GFOD1: variants seen among roughly 807,000 people sequenced by gnomAD.
GFOD1 encodes glucose-fructose oxidoreductase domain-containing protein 1.
Under a neutral mutation model 25.4 loss-of-function variants are expected in GFOD1, and 9 were observed. That is an observed-to-expected ratio of 0.35 (90% confidence interval 0.21 to 0.62). GFOD1 has a LOEUF of 0.62. GFOD1 is among the 20% of genes least tolerant of loss of function. GFOD1 has a pLI of 0.72. For synonymous variants in GFOD1, 253 were observed against 245.6 expected, an observed-to-expected ratio of 1.03 and a Z score of -0.28; for missense variants, 403 against 556.9, an observed-to-expected ratio of 0.72 and a Z score of 2.78.
rs5874418 is a variant in GFOD1, at chr6:13,458,757, CAAAAAAAAA to C, written c.253+27872_253+27880del. Among the ~76,000 whole-genome samples the C allele has an allele frequency of 4.7e-4, 27 of 57,182 alleles. No individual in the cohort carries two copies. In the East Asian group the frequency reaches 6.8e-3, roughly 14 times the overall value. The allele number at this position is 57,182 out of a possible 152,430, so 37.5% of individuals were successfully genotyped here. ...CAAAAAGACTCCATTTCCCCTTGAG[CAAAAAAAAA>C]AAAAAAAAAAAAAAAAAAAAGTGAG... On this transcript the variant is annotated intron_variant, in intron 1 of 1. Coordinates refer to ENST00000379287, the MANE Select transcript of GFOD1 (RefSeq NM_018988.4).
intron 1 of GFOD1, among the ~76,000 whole-genome samples, chr6:13,397,278 A>T (rs557218952): frequency 6.6e-6 from 1 of 152,356 alleles, no homozygotes; most frequent in Non-Finnish European, 1.5e-5. Context: ...CCTTACTCTA[A>T]AGCCCGGCAA....
intron 1 of GFOD1, among the ~76,000 whole-genome samples, chr6:13,403,377 C>T (rs188786572): frequency 2.1e-3 from 327 of 152,240 alleles, no homozygotes; most frequent in African/African-American, 7.5e-3. Context: ...CCGCCTGCCT[C>T]GGCCTCCCAA....
At chr6:13,417,601 C>T (rs1786183822) in intron 1 of GFOD1, among the ~76,000 whole-genome samples, 1 of 152,204 alleles carries the variant, frequency 6.6e-6, no homozygotes, top group Admixed American at 6.5e-5. Flanking sequence ...TACAACAGTG[C>T]TGCTAGTACA....
chr6:13,447,333 C>G (rs62385772), intron 1 of GFOD1, among the ~76,000 whole-genome samples: 2 of 152,200 alleles, frequency 1.3e-5, no homozygotes, highest in African/African-American at 4.8e-5. Flanking sequence ...GGTGCTCTCT[C>G]TGTGTGTCTA....
chr6:13,470,021 C>A (rs377544088), intron 1 of GFOD1: 3 of 1,358,470 alleles, frequency 2.2e-6, no homozygotes, highest in South Asian at 1.2e-5. Flanking sequence ...TTTTCTAACT[C>A]CCCATGACTG....
intron 1 of GFOD1, among the ~76,000 whole-genome samples, chr6:13,369,795 G>A (rs1785114067): frequency 1.3e-5 from 2 of 152,148 alleles, no homozygotes; most frequent in Non-Finnish European, 2.9e-5. Context: ...TCAATGGCAA[G>A]TAAGATGATT....
intron 1 of GFOD1, among the ~76,000 whole-genome samples, chr6:13,388,215 T>G (rs965553909): frequency 2.6e-5 from 4 of 152,182 alleles, no homozygotes; most frequent in South Asian, 4.1e-4. Flanking sequence ...TTCAATGCTA[T>G]CTCCATCAAG....
At chr6:13,469,638 C>T (rs1481589849) in intron 1 of GFOD1, 8 of 1,114,472 alleles carry the variant, frequency 7.2e-6, no homozygotes, top group Non-Finnish European at 8.8e-6. Flanking sequence ...CCATATTTCA[C>T]ATAATCTAAG....
chr6:13,369,685 G>A (rs112160383), intron 1 of GFOD1, among the ~76,000 whole-genome samples: 1,726 of 152,160 alleles, frequency 0.011, 33 homozygotes, highest in African/African-American at 0.039. Context: ...ACAACTATGA[G>A]CAACGCAAAT....
chr6:13,448,272 G>A (rs1437918108), intron 1 of GFOD1, among the ~76,000 whole-genome samples: 1 of 152,164 alleles, frequency 6.6e-6, no homozygotes, highest in Non-Finnish European at 1.5e-5. Flanking sequence ...TAATGTACTC[G>A]TTCATTTACC....
chr6:13,422,437 C>T (rs1786276406), intron 1 of GFOD1, among the ~76,000 whole-genome samples: 1 of 152,188 alleles, frequency 6.6e-6, no homozygotes, highest in African/African-American at 2.4e-5. Context: ...AGATGCTACA[C>T]AGAGAGTGTC....
chr6:13,385,529 T>A (rs1187251169), intron 1 of GFOD1, among the ~76,000 whole-genome samples: 3 of 152,144 alleles, frequency 2.0e-5, no homozygotes, highest in African/African-American at 4.8e-5. Flanking sequence ...GTCCTATATT[T>A]TTGCCAGACA....
In GFOD1 at chr6:13,469,398, A is replaced by C. The variant is rs527703116; in HGVS notation, c.253+17240T>G. On this transcript the variant is annotated intron_variant, in intron 1 of 1. Transcript: ENST00000379287. ...TTTTAACATCCTGTGGGATACATGC[A>C]GTCCCCAGGCTATTGTCTCCTCAGT... 53 of 985,368 alleles carry C rather than the reference A, an allele frequency of 5.4e-5. No individual in the cohort carries two copies. The South Asian group carries it at 1.4e-3, about 26-fold the overall frequency. 61.0% of individuals were successfully genotyped at this position (985,368 alleles called of 1,614,324 possible).
intron 1 of GFOD1, among the ~76,000 whole-genome samples, chr6:13,426,136 C>T (rs954454671): frequency 6.6e-6 from 1 of 152,220 alleles, no homozygotes; most frequent in African/African-American, 2.4e-5. Context: ...GCTTTCTAGG[C>T]AGCCAGCAGA....
intron 1 of GFOD1, among the ~76,000 whole-genome samples, chr6:13,385,130 A>C (rs1785442784): frequency 6.6e-6 from 1 of 152,090 alleles, no homozygotes; most frequent in South Asian, 2.1e-4. Context: ...TAACCGGGAG[A>C]GTGCAGATAA....
At chr6:13,446,349 GA>G (rs1758002239) in intron 1 of GFOD1, among the ~76,000 whole-genome samples, 1 of 152,168 alleles carries the variant, frequency 6.6e-6, no homozygotes, top group African/African-American at 2.4e-5. Flanking sequence ...GAATGAGGGG[GA>G]AAGCATCAAG....
At chr6:13,426,776 C>T (rs1421628621) in intron 1 of GFOD1, among the ~76,000 whole-genome samples, 1 of 152,146 alleles carries the variant, frequency 6.6e-6, no homozygotes. Context: ...ACCAGCAAGG[C>T]CAGAGGACAG....
chr6:13,449,551 C>G (rs901345070), intron 1 of GFOD1, among the ~76,000 whole-genome samples: 2 of 152,224 alleles, frequency 1.3e-5, no homozygotes, highest in African/African-American at 2.4e-5. Context: ...TCACCCAAAT[C>G]TCATCTTGAA....
In GFOD1 at chr6:13,487,194, G is replaced by C; in HGVS notation, c.-304C>G. ...AGGCTTCGAAGCCCCCTGGAGCCCC[G>C]GCTCAGGCTGCGCTCCCGCGGCAGC... On this transcript the variant is annotated 5_prime_UTR_variant, in exon 1 of 2. Coordinates refer to ENST00000379287, the MANE Select transcript of GFOD1 (RefSeq NM_018988.4). This position sits in a 1 kb window ranked among gnomAD's most constrained non-coding sequence, Gnocchi z 4.9. The C allele has an allele frequency of 3.2e-6, 1 of 315,358 alleles. No individual in the cohort carries two copies. The highest frequency in any genetic ancestry group is 5.1e-5 in the Admixed American group (1 of 19,608). 19.5% of individuals were successfully genotyped at this position (315,358 alleles called of 1,614,324 possible). A position where few individuals can be genotyped will look rare whatever the true frequency, so the allele number is the denominator to read the frequency against.
Sources: gnomAD v4.1 joint callset for allele counts (sites outside exome capture counted in the v4.1 genomes callset) on GRCh38, gnomAD v4.1.1 for gene constraint, Gnocchi (gnomAD v3.1) non-coding constraint, MANE v1.5 for transcripts, NCBI Gene and HGNC (gene_info 2026-07-23, HGNC 2026-07-21) for gene names.